TASP1: variants seen among roughly 807,000 people sequenced by gnomAD.
TASP1 encodes the protein taspase 1, also known as threonine aspartase 1.
Under a neutral mutation model 56.6 loss-of-function variants are expected in TASP1, and 16 were observed. The observed-to-expected ratio is 0.28, with a 90% CI of 0.19 to 0.43. The LOEUF (loss-of-function observed/expected upper bound fraction) is 0.43. TASP1 is among the 20% of genes least tolerant of loss of function. The pLI is 1.00. For missense variants in TASP1, 393 were observed against 511.6 expected, an observed-to-expected ratio of 0.77 and a Z score of 2.24; for synonymous variants, 179 against 184.2, an observed-to-expected ratio of 0.97 and a Z score of 0.23.
intron 8 of TASP1, among the ~76,000 whole-genome samples, chr20:13,543,621 T>A (rs2045701799): frequency 1.3e-5 from 2 of 152,152 alleles, no homozygotes; most frequent in South Asian, 4.1e-4. Flanking sequence ...ATTTCTTGAA[T>A]CACTTCCCGA....
chr20:13,212,085 C>T, the TASP1 span, among the ~76,000 whole-genome samples: 1 of 152,124 alleles, frequency 6.6e-6, no homozygotes, highest in African/African-American at 2.4e-5. Context: ...ATTCAACATA[C>T]CCATTTCCTT....
chr20:13,315,588 A>G, the TASP1 span, among the ~76,000 whole-genome samples: 1 of 152,032 alleles, frequency 6.6e-6, no homozygotes, highest in Non-Finnish European at 1.5e-5. Flanking sequence ...TATCATAGTT[A>G]CAGATTTCAA....
chr20:13,464,945 T>C (rs1253579137), intron 11 of TASP1, among the ~76,000 whole-genome samples: 1 of 151,882 alleles, frequency 6.6e-6, no homozygotes, highest in African/African-American at 2.4e-5. Flanking sequence ...GGAAGATTGC[T>C]TGAGGCCAGG....
At chr20:13,209,459 T>A in the TASP1 span, among the ~76,000 whole-genome samples, 1 of 152,160 alleles carries the variant, frequency 6.6e-6, no homozygotes, top group African/African-American at 2.4e-5. Context: ...TACTGGGAAA[T>A]TTTACAAATT....
chr20:13,394,350 C>T (rs1405291801), intron 13 of TASP1, among the ~76,000 whole-genome samples: 4 of 147,802 alleles, frequency 2.7e-5, no homozygotes, highest in Non-Finnish European at 5.9e-5. Context: ...GTAGCTCACG[C>T]CTGTAATCCC....
the TASP1 span, chr20:13,222,054 C>T: frequency 4.7e-6 from 4 of 854,274 alleles, no homozygotes; most frequent in Non-Finnish European, 6.3e-6. Flanking sequence ...GTAGTTTTGC[C>T]CGGGCCACTT....
intron 1 of TASP1, among the ~76,000 whole-genome samples, 151 bp downstream of exon 1, chr20:13,638,743 C>A (rs1374234709): frequency 6.6e-6 from 1 of 152,248 alleles, no homozygotes; most frequent in Non-Finnish European, 1.5e-5. Context: ...TGGCCCCCTC[C>A]TCTAGCCCCG....
chr20:13,392,936 G>T, intron 13 of TASP1: 2 of 622,760 alleles, frequency 3.2e-6, no homozygotes, highest in East Asian at 3.8e-5. Context: ...ATCAAATGGG[G>T]CCATGCTGGT....
intron 12 of TASP1, among the ~76,000 whole-genome samples, chr20:13,427,560 T>C (rs1357894315): frequency 2.0e-5 from 3 of 152,194 alleles, no homozygotes; most frequent in Non-Finnish European, 2.9e-5. Context: ...ATGTACCATT[T>C]AGAGACATAT....
the TASP1 span, among the ~76,000 whole-genome samples, chr20:13,247,520 GT>G: frequency 6.1e-3 from 521 of 85,184 alleles, 7 homozygotes; most frequent in East Asian, 0.099. Context: ...AGTGAGGGGT[GT>G]GTGTGTGTGT....
chr20:13,494,632 C>A (rs2043654942), intron 10 of TASP1, among the ~76,000 whole-genome samples: 1 of 152,006 alleles, frequency 6.6e-6, no homozygotes, highest in Non-Finnish European at 1.5e-5. Flanking sequence ...ATTCTAAGAT[C>A]CAAGTATTGT....
chr20:13,302,120 T>TA, the TASP1 span, among the ~76,000 whole-genome samples: 1 of 152,220 alleles, frequency 6.6e-6, no homozygotes, highest in South Asian at 2.1e-4. Context: ...AAGGTATTTT[T>TA]GTTAAGGATT....
the TASP1 span, among the ~76,000 whole-genome samples, chr20:13,253,598 C>T: frequency 6.6e-6 from 1 of 152,280 alleles, no homozygotes; most frequent in Non-Finnish European, 1.5e-5. Flanking sequence ...GGAGGCCTTG[C>T]TCAAACACCT....
At chr20:13,234,176 C>T in the TASP1 span, among the ~76,000 whole-genome samples, 1 of 152,124 alleles carries the variant, frequency 6.6e-6, no homozygotes, top group Admixed American at 6.5e-5. Context: ...TCCGTGTATG[C>T]CCATTGTTTA....
intron 10 of TASP1, among the ~76,000 whole-genome samples, chr20:13,492,113 C>G (rs768475675): frequency 6.6e-6 from 1 of 152,170 alleles, no homozygotes; most frequent in Non-Finnish European, 1.5e-5. Flanking sequence ...CCTACAAAAG[C>G]ACAGGCTCGA....
intron 1 of TASP1, among the ~76,000 whole-genome samples, chr20:13,635,481 G>A (rs537130557): frequency 5.4e-5 from 8 of 148,688 alleles, no homozygotes; most frequent in South Asian, 2.1e-4. Context: ...TCTGCCTCCC[G>A]GGTTCAAACA....
At chr20:13,343,579 GCCGCCC>G in the TASP1 span, among the ~76,000 whole-genome samples, 6 of 79,840 alleles carry the variant, frequency 7.5e-5, no homozygotes, top group Admixed American at 5.4e-4. Flanking sequence ...CCCCCGCCCC[GCCGCCC>G]CCGCCCCCGC....
intron 11 of TASP1, among the ~76,000 whole-genome samples, chr20:13,443,853 GA>G (rs1304293825): frequency 6.6e-6 from 1 of 152,016 alleles, no homozygotes; most frequent in Non-Finnish European, 1.5e-5. Context: ...AATCTAAGAG[GA>G]AAAAAACCAA....
chr20:13,491,915 C>A (rs760726656), intron 10 of TASP1, among the ~76,000 whole-genome samples: 7 of 152,130 alleles, frequency 4.6e-5, no homozygotes, highest in Admixed American at 2.6e-4. Context: ...AATATAATTG[C>A]TCCACAGGAC....
Sources: gnomAD v4.1 joint callset for allele counts (sites outside exome capture counted in the v4.1 genomes callset) on GRCh38, gnomAD v4.1.1 for gene constraint, MANE v1.5 for transcripts, NCBI Gene and HGNC (gene_info 2026-07-23, HGNC 2026-07-21) for gene names.